Variants in ENOSF1 observed in about 807,000 individuals in gnomAD.
ENOSF1 encodes enolase superfamily member 1, also known as mitochondrial enolase superfamily member 1.
ENOSF1 carries 73 observed loss-of-function variants against 68.2 expected under a neutral mutation model. The ratio of observed to expected loss-of-function variants is 1.07; its 90% confidence interval spans 0.89 to 1.30. The LOEUF (loss-of-function observed/expected upper bound fraction) is 1.30. Among genes scored for constraint, ENOSF1 ranks in the 50% most tolerant of loss-of-function variants. The probability of loss-of-function intolerance (pLI) is 0.00; values close to 1 mark genes in which losing one functional copy is unlikely to be tolerated. For missense variants in ENOSF1, 589 were observed against 554.5 expected, an observed-to-expected ratio of 1.06 and a Z score of -0.62; for synonymous variants, 223 against 210.4, an observed-to-expected ratio of 1.06 and a Z score of -0.52.
intron 1 of ENOSF1, among the ~76,000 whole-genome samples, chr18:711,017 G>A (rs8088817): frequency 0.15 from 22,732 of 152,016 alleles, 1,741 homozygotes; most frequent in East Asian, 0.25. Context: ...AAAAAATACA[G>A]AAAGTAGCTG....
At chr18:679,469 A>C (rs500224) in intron 11 of ENOSF1, among the ~76,000 whole-genome samples, 1 of 151,682 alleles carries the variant, frequency 6.6e-6, no homozygotes, top group Non-Finnish European at 1.5e-5. Flanking sequence ...TCGGCCTCCC[A>C]AAGTGTTGGG....
intron 1 of ENOSF1, chr18:712,225 A>C: frequency 6.7e-7 from 1 of 1,495,806 alleles, no homozygotes; most frequent in Non-Finnish European, 9.0e-7. Flanking sequence ...GCTCCAAGGC[A>C]TGAAAAGCGA....
chr18:666,329 G>A (rs1473115522), downstream of ENOSF1, among the ~76,000 whole-genome samples: 2 of 152,022 alleles, frequency 1.3e-5, no homozygotes, highest in African/African-American at 2.4e-5. Context: ...TTTCGAGGCT[G>A]AGCCACAGCG....
chr18:688,607 A>G lies in ENOSF1; in HGVS notation c.620T>C (p.Leu207Pro), dbSNP rs759528413. 2 of 1,613,920 alleles carry G rather than the reference A, an allele frequency of 1.2e-6. No homozygotes were observed. The highest frequency in any genetic ancestry group is 1.7e-6 in the Non-Finnish European group (2 of 1,179,976). ...LGYSDDTLKQ[L>P]CAQALKDGWT... ...GCCATCCTTCAGCGCCTGGGCACAG[A>G]GCTGTGGGAAAGGAGCACAGGGTCA... is the stretch of plus-strand genomic sequence containing the variant. Residue 207 changes from leucine to proline, a missense_variant and splice_region_variant, in exon 9 of 16, where the codon CTC becomes CCC. Coordinates refer to ENST00000647584, the MANE Select transcript of ENOSF1 (RefSeq NM_017512.7).
chr18:706,817 T>A (rs201128346), intron 1 of ENOSF1: 3,176 of 63,694 alleles, frequency 0.05, 70 homozygotes, highest in African/African-American at 0.16. Context: ...ATATATATAT[T>A]TTTTTTTTTT....
At chr18:675,454 A>G (rs781753155) in intron 14 of ENOSF1, 52 bp from the exon 15 acceptor site, 2 of 1,478,678 alleles carry the variant, frequency 1.4e-6, no homozygotes, top group East Asian at 4.6e-5. Context: ...CAGATTATTC[A>G]CGTGGTGCTA....
chr18:695,061 C>T (rs1378546881), intron 3 of ENOSF1, among the ~76,000 whole-genome samples: 1 of 152,162 alleles, frequency 6.6e-6, no homozygotes, highest in East Asian at 1.9e-4. Context: ...CAAATGTCAC[C>T]AGTTTTTTCC....
chr18:677,504 AG>A, intron 13 of ENOSF1, 60 bp from the exon 14 acceptor site: 1 of 1,483,806 alleles, frequency 6.7e-7, no homozygotes, highest in Admixed American at 2.1e-5. Context: ...AAGGGGTGAA[AG>A]GGAACTTTCT....
In ENOSF1 at chr18:672,517, T is replaced by C. The variant is rs982651670; in HGVS notation, c.*1788A>G. 1.2e-5 allele frequency: 2 copies of C among 173,532 alleles called. No individual in the cohort carries two copies. The highest frequency in any genetic ancestry group is 2.5e-5 in the Non-Finnish European group (2 of 80,880). The allele number at this position is 173,532 out of a possible 1,614,324, so 10.7% of individuals were successfully genotyped here. A position where few individuals can be genotyped will look rare whatever the true frequency, so the allele number is the denominator to read the frequency against. On this transcript the variant is annotated 3_prime_UTR_variant, in exon 16 of 16. Coordinates refer to ENST00000647584, the MANE Select transcript of ENOSF1 (RefSeq NM_017512.7). Reference sequence around the variant, plus strand: ...CCAGGGACAGATGGGTTAGGGATTGTGGAATTCAAGTAAACGTAGAGCTAC... The same window carrying C: ...CCAGGGACAGATGGGTTAGGGATTGCGGAATTCAAGTAAACGTAGAGCTAC...
downstream of ENOSF1, among the ~76,000 whole-genome samples, chr18:667,089 T>C (rs201457811): frequency 2.0e-5 from 1 of 50,144 alleles, no homozygotes; most frequent in Non-Finnish European, 3.4e-5. Flanking sequence ...ATGGTGATGG[T>C]GATGGAGATG....
rs1164810550 is a variant in ENOSF1 at position 670,564 on chromosome 18, G to A, written c.*3741C>T. 7 of 968,686 alleles carry A rather than the reference G, an allele frequency of 7.2e-6. No homozygotes were observed. The Admixed American group carries it at 1.6e-4, about 23-fold the overall frequency. The allele number at this position is 968,686 out of a possible 1,614,324, so 60.0% of individuals were successfully genotyped here. ...AGAGGCTGTTATGGACATCACTGCA[G>A]CCCAGTGGCTCTCTCTCCTGGTCTC... On this transcript the variant is annotated 3_prime_UTR_variant, in exon 16 of 16. Coordinates refer to ENST00000647584, the MANE Select transcript of ENOSF1 (RefSeq NM_017512.7).
At chr18:678,562 T>A (rs2144619626) in intron 12 of ENOSF1, 134 bp downstream of exon 12, 1 of 867,088 alleles carries the variant, frequency 1.2e-6, no homozygotes, top group East Asian at 2.4e-5. Flanking sequence ...TGACCCAGTT[T>A]CTAAGATGAT....
rs372512313 is a variant in ENOSF1 at position 677,773 on chromosome 18, A to T, written c.1018T>A (p.Ser340Thr). 28 of 1,614,132 alleles carry T rather than the reference A, an allele frequency of 1.7e-5. No individual in the cohort carries two copies. The East Asian group carries it at 4.9e-4, about 28-fold the overall frequency. ...CRLGSVNENL[S>T]VLLMAKKFEI... is the part of the protein sequence containing the mutation. ...AACTTTTTGGCCATCAGCAATACTG[A>T]GAGGTTCTCATTGACACTGCCCAGT... The change falls in exon 13 of 16, where the codon TCA (serine) becomes ACA (threonine). Residue 340 changes from serine (S) to threonine (T), a missense_variant. Ser to Thr is a moderately conservative substitution (Grantham distance 58). Transcript: ENST00000647584.
chr18:683,253 A>T lies in ENOSF1; in HGVS notation c.869T>A (p.Ile290Asn). The T allele has an allele frequency of 6.2e-7, 1 of 1,614,106 alleles. No individual in the cohort carries two copies. Among genetic ancestry groups the T allele is most frequent in the Non-Finnish European group, 8.5e-7 (1 of 1,180,002 alleles). Residue 290 changes from isoleucine to asparagine, a missense_variant, in exon 11 of 16, where the codon ATT becomes AAT. Ile to Asn is a moderately radical substitution (Grantham distance 149). Coordinates refer to ENST00000647584, the MANE Select transcript of ENOSF1 (RefSeq NM_017512.7). ...SPDDILGHAT[I>N]SKALVPLGIG... ...CAGCAGCCGTTTTCCTACCTTGGAA[A>T]TGGTGGCGTGCCCCAGAATGTCATC... is the stretch of plus-strand genomic sequence containing the variant.
chr18:692,995 A>G (rs926090100), intron 5 of ENOSF1: 1 of 1,176,930 alleles, frequency 8.5e-7, no homozygotes, highest in African/African-American at 1.6e-5. Context: ...CGAGGTTTTT[A>G]ACCGCCACCC....
At chr18:693,079 T>C in intron 5 of ENOSF1, 2 of 1,288,030 alleles carry the variant, frequency 1.6e-6, no homozygotes, top group Non-Finnish European at 1.0e-6. Flanking sequence ...TGGTGAGCAG[T>C]GAAACCCGGA....
Position 691,317 on chromosome 18 carries a change from T to C in ENOSF1, c.424-41A>G, listed in dbSNP as rs781670643. ...GAGGGGAAGAGGCCTGAATCAATTA[T>C]AAGGTGGGTTATATTTTGTTTTTTA... On this transcript the variant is annotated intron_variant, in intron 5 of 15. Transcript: ENST00000647584. 1.5e-5 allele frequency: 22 copies of C among 1,501,724 alleles called. No homozygotes were observed. The East Asian group carries it at 4.3e-4, about 29-fold the overall frequency. The allele number at this position is 1,501,724 out of a possible 1,614,324, so 93.0% of individuals were successfully genotyped here. A position where few individuals can be genotyped will look rare whatever the true frequency, so the allele number is the denominator to read the frequency against.
intron 15 of ENOSF1, among the ~76,000 whole-genome samples, chr18:674,711 G>C (rs986643552): frequency 6.6e-6 from 1 of 152,136 alleles, no homozygotes; most frequent in Non-Finnish European, 1.5e-5. Flanking sequence ...GTAGAGACAG[G>C]GTTTCACCAT....
intron 2 of ENOSF1, 85 bp from the exon 3 acceptor site, chr18:697,440 G>A (rs2077858926): frequency 8.3e-6 from 9 of 1,080,428 alleles, no homozygotes; most frequent in South Asian, 5.4e-5. Flanking sequence ...ACAAACAAAT[G>A]TGAAAGTTTT....
Sources: gnomAD v4.1 joint callset for allele counts (sites outside exome capture counted in the v4.1 genomes callset) on GRCh38, gnomAD v4.1.1 for gene constraint, MANE v1.5 for transcripts, NCBI Gene and HGNC (gene_info 2026-07-23, HGNC 2026-07-21) for gene names.